The following FBN3 variants were observed in gnomAD, a reference collection of about 807,000 sequenced individuals.
FBN3 encodes the protein fibrillin 3.
In FBN3, 234 loss-of-function variants were observed where a neutral mutation model predicts 330.1. The observed-to-expected ratio is 0.71, with a 90% CI of 0.64 to 0.79. The LOEUF is 0.79. Among genes scored for constraint, FBN3 ranks in the 30% least tolerant of loss-of-function variants. The pLI is 0.00. For missense variants in FBN3, 3,606 were observed against 3,886.9 expected (o/e 0.93, Z 1.92); for synonymous variants, 1,458 against 1,517.3 (o/e 0.96, Z 0.91).
intron 56 of FBN3, among the ~76,000 whole-genome samples, chr19:8,084,862 A>T (rs936132264): frequency 6.6e-6 from 1 of 151,756 alleles, no homozygotes; most frequent in African/African-American, 2.4e-5. Context: ...TGCTGGGATT[A>T]CAAGTGTGAG....
chr19:8,135,936 G>GGGGGGGGGGGGGGGGGGGGGCCCCC, intron 13 of FBN3, 25 bp downstream of exon 13: 5 of 668,768 alleles, frequency 7.5e-6, no homozygotes, highest in East Asian at 3.9e-5. Flanking sequence ...GGAAGCCCCT[G>GGGGGGGGGGGGGGGGGGGGGCCCCC]CCCACCCGCC....
intron 18 of FBN3, 50 bp downstream of exon 18, chr19:8,128,978 G>A: frequency 2.5e-6 from 4 of 1,570,100 alleles, no homozygotes; most frequent in Non-Finnish European, 3.5e-6. Flanking sequence ...TGCCAAGTAT[G>A]TTGGAGCATA....
At chr19:8,124,619 C>A (rs1007337526) in intron 22 of FBN3, among the ~76,000 whole-genome samples, 2 of 151,246 alleles carry the variant, frequency 1.3e-5, no homozygotes, top group Non-Finnish European at 2.9e-5. Flanking sequence ...CTCACTGCAA[C>A]CTCCGCCTCC....
At position 8,129,749 on chromosome 19, in the gene FBN3, A is replaced by G. The variant is rs991627035; in HGVS notation, c.2045-384T>C. ...GTGGAGCAGACATCCATACAGTGGCACTGTCATAAAAATAAAAGCAATTAT... is the reference window on the plus strand; with the variant it reads ...GTGGAGCAGACATCCATACAGTGGCGCTGTCATAAAAATAAAAGCAATTAT... On this transcript the variant is annotated intron_variant, in intron 16 of 63. Coordinates refer to ENST00000600128, the MANE Select transcript of FBN3 (RefSeq NM_032447.5). The surrounding 1 kb of genome is among the most constrained non-coding windows in gnomAD (Gnocchi z 4.5). 6.6e-6 allele frequency among the ~76,000 whole-genome samples: 1 copy of G among 152,134 alleles called. No individual in the cohort carries two copies. The highest frequency in any genetic ancestry group is 1.5e-5 in the Non-Finnish European group (1 of 68,026).
chr19:8,077,096 A>G (rs1214898943), intron 59 of FBN3, among the ~76,000 whole-genome samples: 1 of 152,178 alleles, frequency 6.6e-6, no homozygotes, highest in Non-Finnish European at 1.5e-5. Flanking sequence ...TAAATCCCAC[A>G]CTTGCAGTCT....
chr19:8,114,052 CAGAG>C (rs370264732), intron 30 of FBN3, among the ~76,000 whole-genome samples: 14 of 151,366 alleles, frequency 9.2e-5, no homozygotes, highest in African/African-American at 2.9e-4. Flanking sequence ...AATAGATACA[CAGAG>C]AGAAGAAGGC....
chr19:8,073,305 AG>A lies in FBN3; in HGVS notation c.7703-9del. 1 of 1,609,554 alleles carries A rather than the reference AG, an allele frequency of 6.2e-7. No homozygotes were observed. On this transcript the variant is annotated splice_polypyrimidine_tract_variant and intron_variant, in intron 61 of 63. Transcript: ENST00000600128. ...GGGCACACTCATTCTCATCTGTGGGAGGAAAGGAGGAGGAGAGGGAGGACGC... is the reference window on the plus strand; with the variant it reads ...GGGCACACTCATTCTCATCTGTGGGAGAAAGGAGGAGGAGAGGGAGGACGC...
rs1338601952 is a variant in FBN3 at position 8,090,141 on chromosome 19, C to G, written c.6142G>C (p.Gly2048Arg). The change falls in exon 49 of 64, where the codon GGC becomes CGC. Residue 2048 changes from glycine to arginine, a missense_variant. Physicochemically the swap from Gly to Arg is moderately radical, Grantham distance 125. Transcript: ENST00000600128. ...RCCCSKRPGE[G>R]WGDPCELCPQ... ...CACAGTTCGCAGGGGTCTCCCCAGC[C>G]CTCCCCAGGCCTCTTACTGCAGCAG... 3.7e-6 allele frequency: 6 copies of G among 1,613,804 alleles called. No individual in the cohort carries two copies. Among genetic ancestry groups the G allele is most frequent in the Non-Finnish European group, 5.1e-6 (6 of 1,179,930 alleles).
chr19:8,107,831 G>T (rs2144802435), intron 37 of FBN3, among the ~76,000 whole-genome samples: 1 of 151,652 alleles, frequency 6.6e-6, no homozygotes, highest in Non-Finnish European at 1.5e-5. Flanking sequence ...TGGATAGATG[G>T]ATGAATGGCT....
chr19:8,146,268 C>A, intron 3 of FBN3, 43 bp from the exon 4 acceptor site: 1 of 1,516,350 alleles, frequency 6.6e-7, no homozygotes, highest in Non-Finnish European at 9.0e-7. Flanking sequence ...AGGACCGAGC[C>A]TGGGCCGTCC....
Position 8,135,972 on chromosome 19 carries a change from T to G in FBN3, c.1580A>C (p.Lys527Thr). The change falls in exon 13 of 64, where the codon AAG becomes ACG. Residue 527 changes from lysine to threonine, a missense_variant. Lys to Thr is a moderately conservative substitution (Grantham distance 78). Coordinates refer to ENST00000600128, the MANE Select transcript of FBN3 (RefSeq NM_032447.5). ...NAGFELSPDG[K>T]NCVDHNECAT... is the part of the protein sequence containing the mutation. ...CACCCCCAACTCACCCACACAGTTCTTGCCGTCAGGGCTGAGCTCGAAGCC... is the reference window on the plus strand; with the variant it reads ...CACCCCCAACTCACCCACACAGTTCGTGCCGTCAGGGCTGAGCTCGAAGCC... The G allele has an allele frequency of 3.8e-6, 3 of 792,976 alleles. No homozygotes were observed. Among genetic ancestry groups the G allele is most frequent in the Non-Finnish European group, 5.4e-6 (3 of 551,772 alleles). The allele number at this position is 792,976 out of a possible 1,614,324, so 49.1% of individuals were successfully genotyped here.
chr19:8,066,832 T>C (rs991627701), intron 63 of FBN3, among the ~76,000 whole-genome samples: 1 of 151,900 alleles, frequency 6.6e-6, no homozygotes, highest in Non-Finnish European at 1.5e-5. Flanking sequence ...TGAGCTGAGA[T>C]CACGCTACTG....
chr19:8,076,568 G>A (rs1411731896), intron 59 of FBN3, among the ~76,000 whole-genome samples: 1 of 152,158 alleles, frequency 6.6e-6, no homozygotes, highest in Non-Finnish European at 1.5e-5. Flanking sequence ...GAACCCGGGA[G>A]GCGGAGGTTG....
chr19:8,111,191 G>A lies in FBN3; in HGVS notation c.4085-8C>T, dbSNP rs774257546. The A allele has an allele frequency of 4.4e-6, 7 of 1,584,122 alleles. No homozygotes were observed. Among genetic ancestry groups the A allele is most frequent in the Non-Finnish European group, 6.0e-6 (7 of 1,164,760 alleles). On this transcript the variant is annotated splice_region_variant and splice_polypyrimidine_tract_variant and intron_variant, in intron 32 of 63. Transcript: ENST00000600128. ...CGGCACATTCATCCCTGTCTGAGGG[G>A]CCCCAAGATTCGGAGGGCTGGAGGC...
At position 8,088,148 on chromosome 19, in the gene FBN3, A is replaced by G. The variant is rs956816455; in HGVS notation, c.6408T>C (p.Cys2136=). 1.9e-6 allele frequency: 3 copies of G among 1,610,896 alleles called. No homozygotes were observed. Among genetic ancestry groups the G allele is most frequent in the Non-Finnish European group, 2.5e-6 (3 of 1,177,882 alleles). The stretch of plus-strand genomic sequence containing the variant: ...TGACATTGGTGCATGTCCCTTGCCC[A>G]CAGGGGTGGCCGACAGAGCACTCGT... The part of the protein sequence containing the change: ...DTDECSVGHP[C]GQGTCTNVIG... The change falls in exon 52 of 64, where the codon TGT becomes TGC. Residue 2136 remains cysteine (C), a synonymous_variant. Transcript: ENST00000600128.
rs775885971 is a variant in FBN3 at position 8,126,468 on chromosome 19, C to G, written c.2554G>C (p.Asp852His). 5 of 1,611,078 alleles carry G rather than the reference C, an allele frequency of 3.1e-6. No homozygotes were observed. The African/African-American group carries it at 4.0e-5, about 13-fold the overall frequency. Reference protein sequence around the residue: ...WGSPCERCEIDPACARGFARM... With the variant: ...WGSPCERCEIHPACARGFARM... ...TGGGAGGCCTCAAGGAGGATACTAC[C>G]GATCTCGCAGCGTTCGCAGGGGCTC... Residue 852 changes from aspartate to histidine, a missense_variant and splice_region_variant, in exon 20 of 64, where the codon GAC becomes CAC. By Grantham distance (81) the Asp-to-His change is moderately conservative. Transcript: ENST00000600128.
intron 18 of FBN3, 25 bp from the exon 19 acceptor site, chr19:8,126,857 T>C: frequency 1.3e-6 from 2 of 1,522,426 alleles, no homozygotes; most frequent in African/African-American, 1.4e-5. Context: ...CCCCACCAGG[T>C]CCTGAGCTGC....
chr19:8,138,152 T>C lies in FBN3; in HGVS notation c.1190A>G (p.Asn397Ser). Residue 397 changes from asparagine (N) to serine (S), a missense_variant, in exon 10 of 64, where the codon AAC becomes AGC. Asn to Ser is a conservative substitution (Grantham distance 46, BLOSUM62 1). Coordinates refer to ENST00000600128, the MANE Select transcript of FBN3 (RefSeq NM_032447.5). ...ARGIPSLGPG[N>S]SNIGTATLNQ... Reference sequence around the variant, plus strand: ...GCCCCAGGCCTCACCAATATTAGAGTTGCCAGGGCCCAGGCTGGGGATCCC... The same window carrying C: ...GCCCCAGGCCTCACCAATATTAGAGCTGCCAGGGCCCAGGCTGGGGATCCC... The C allele has an allele frequency of 1.2e-6, 2 of 1,610,524 alleles. No homozygotes were observed. The highest frequency in any genetic ancestry group is 1.3e-5 in the African/African-American group (1 of 74,858).
At chr19:8,088,016 C>G (rs760682292) in intron 52 of FBN3, 44 bp downstream of exon 52, 2 of 1,614,142 alleles carry the variant, frequency 1.2e-6, no homozygotes, top group South Asian at 2.2e-5. Flanking sequence ...CTCCCCCAGG[C>G]ATCTCCGTCA....
Sources: allele counts gnomAD v4.1 joint callset (sites outside exome capture counted in the v4.1 genomes callset), GRCh38; gene constraint gnomAD v4.1.1; non-coding constraint Gnocchi (gnomAD v3.1); transcripts MANE v1.5; gene names NCBI Gene and HGNC (gene_info 2026-07-23, HGNC 2026-07-21).